The following GRAMD4 variants were observed in gnomAD, a reference collection of about 807,000 sequenced individuals.
The protein encoded by GRAMD4 is GRAM domain containing 4.
In GRAMD4, 25 loss-of-function variants were observed where a neutral mutation model predicts 83.9. The observed-to-expected ratio is 0.30, with a 90% confidence interval of 0.22 to 0.42. The LOEUF is 0.42. Ranked by LOEUF, GRAMD4 falls within the 10% of genes least tolerant of loss-of-function variation. The pLI, the probability that GRAMD4 is intolerant of heterozygous loss-of-function variation, is 1.00. For missense variants in GRAMD4, 593 were observed against 788.7 expected (o/e 0.75, Z 2.97); for synonymous variants, 336 against 320.9 (o/e 1.05, Z -0.50).
In GRAMD4 at chr22:46,644,697, GTTTTTTTTTTTTTTT is replaced by G. The variant is rs71192437; in HGVS notation, c.283+6760_283+6774del. Among the ~76,000 whole-genome samples, 587 of 97,374 alleles carry G rather than the reference GTTTTTTTTTTTTTTT, an allele frequency of 6.0e-3. 14 individuals are homozygous for G. The highest frequency in any genetic ancestry group is 0.021 in the African/African-American group (537 of 24,986). 63.9% of individuals were successfully genotyped at this position (97,374 alleles called of 152,430 possible). ...TCATCCACTTGTCCACTTGTTCCCTGTTTTTTTTTTTTTTTTTTTTTTTTTTTTTTTTTTTTTACT... is the reference window on the plus strand; with the variant it reads ...TCATCCACTTGTCCACTTGTTCCCTGTTTTTTTTTTTTTTTTTTTTTTACT... On this transcript the variant is annotated intron_variant, in intron 3 of 18. Coordinates refer to ENST00000406902, the MANE Select transcript of GRAMD4 (RefSeq NM_015124.5).
Position 46,621,701 on chromosome 22 carries a change from G to T in GRAMD4, c.-50+1136G>T, listed in dbSNP as rs2081578422. 6.8e-6 allele frequency among the ~76,000 whole-genome samples: 1 copy of T among 146,816 alleles called. No homozygotes were observed. Among genetic ancestry groups the T allele is most frequent in the African/African-American group, 2.6e-5 (1 of 39,022 alleles). On this transcript the variant is annotated intron_variant, in intron 1 of 18. Transcript: ENST00000406902. This position sits in a 1 kb window ranked among gnomAD's most constrained non-coding sequence, Gnocchi z 5.8. ...GGTGCAGGCACAGGCTGGAGGCGTA[G>T]CCCGGGCCCGTCCCTGGCGCTGTGT...
chr22:46,624,073 C>A (rs2081617633), intron 1 of GRAMD4, among the ~76,000 whole-genome samples: 1 of 152,160 alleles, frequency 6.6e-6, no homozygotes, highest in African/African-American at 2.4e-5. Flanking sequence ...CCAGCCACCG[C>A]ACCTGGCCTA....
intron 3 of GRAMD4, among the ~76,000 whole-genome samples, chr22:46,642,467 G>A (rs1424684283): frequency 6.6e-6 from 1 of 152,178 alleles, no homozygotes; most frequent in Non-Finnish European, 1.5e-5. Context: ...TCTTTGTTTT[G>A]CTGAAATCTT....
At chr22:46,641,187 C>T (rs2081970657) in intron 3 of GRAMD4, among the ~76,000 whole-genome samples, 1 of 152,166 alleles carries the variant, frequency 6.6e-6, no homozygotes, top group South Asian at 2.1e-4. Flanking sequence ...ATTCTCTGGC[C>T]TCAGCCTCCT....
At chr22:46,639,144 G>C (rs1358750296) in intron 3 of GRAMD4, among the ~76,000 whole-genome samples, 1 of 125,476 alleles carries the variant, frequency 8.0e-6, no homozygotes, top group Non-Finnish European at 1.7e-5. Context: ...GGTTAACGGT[G>C]TGTGCGTGAG....
intron 2 of GRAMD4, among the ~76,000 whole-genome samples, chr22:46,634,712 G>A (rs543648846): frequency 2.6e-5 from 4 of 152,160 alleles, no homozygotes; most frequent in Non-Finnish European, 4.4e-5. Flanking sequence ...AGGCCAAGGC[G>A]GGTGGATCAC....
chr22:46,636,093 G>A (rs1249270217), intron 2 of GRAMD4, among the ~76,000 whole-genome samples: 6 of 152,146 alleles, frequency 3.9e-5, no homozygotes, highest in African/African-American at 1.2e-4. Flanking sequence ...CTAGTCTGGC[G>A]GCACCTGCGT....
chr22:46,577,284 G>T, exon 1 of GRAMD4: 1 of 980,020 alleles, frequency 1.0e-6, no homozygotes, highest in Non-Finnish European at 1.2e-6. Flanking sequence ...CCCGATATCC[G>T]CTCAGGGTAA....
chr22:46,596,022 C>T (rs937601020), intron 1 of GRAMD4, among the ~76,000 whole-genome samples: 57 of 152,368 alleles, frequency 3.7e-4, no homozygotes, highest in African/African-American at 1.3e-3. Context: ...GTGCTGGAAG[C>T]GTTGCTTCAG....
At chr22:46,630,465 G>A (rs533409004) in intron 2 of GRAMD4, among the ~76,000 whole-genome samples, 10 of 152,348 alleles carry the variant, frequency 6.6e-5, no homozygotes, top group African/African-American at 1.9e-4. Context: ...GCAGAGGCCC[G>A]AGATTGCCCT....
In GRAMD4 at chr22:46,671,271, G is replaced by A. The variant is rs190177023; in HGVS notation, c.1085-1572G>A. On this transcript the variant is annotated intron_variant, in intron 13 of 18. Coordinates refer to ENST00000406902, the MANE Select transcript of GRAMD4 (RefSeq NM_015124.5). ...AAGAATCAACAAGTTGTCCGGACAC[G>A]GTGGCTCACGCCTGTAATCCCAGCA... is the stretch of plus-strand genomic sequence containing the variant. 7.8e-4 allele frequency: 189 copies of A among 242,664 alleles called. 1 individual carries two copies. Among genetic ancestry groups the A allele is most frequent in the African/African-American group, 3.8e-3 (167 of 44,192 alleles). The allele number at this position is 242,664 out of a possible 1,614,324, so 15.0% of individuals were successfully genotyped here.
rs936874901 is a variant in GRAMD4 at position 46,679,380 on chromosome 22, C to CG, written c.*2135dup. 1 of 985,116 alleles carries CG rather than the reference C, an allele frequency of 1.0e-6. No individual in the cohort carries two copies. Among genetic ancestry groups the CG allele is most frequent in the African/African-American group, 1.7e-5 (1 of 57,312 alleles). The allele number at this position is 985,116 out of a possible 1,614,324, so 61.0% of individuals were successfully genotyped here. A position where few individuals can be genotyped will look rare whatever the true frequency, so the allele number is the denominator to read the frequency against. Reference sequence around the variant, plus strand: ...CCCAGGGAGGGCCACATTCGGGGAGCGGGGGGTCGGGGGAGGGCCACCGAC... The same window carrying CG: ...CCCAGGGAGGGCCACATTCGGGGAGCGGGGGGGTCGGGGGAGGGCCACCGAC... On this transcript the variant is annotated 3_prime_UTR_variant, in exon 19 of 19. Coordinates refer to ENST00000406902, the MANE Select transcript of GRAMD4 (RefSeq NM_015124.5).
chr22:46,676,736 G>A (rs1323159952), intron 18 of GRAMD4, 68 bp downstream of exon 18: 9 of 1,393,124 alleles, frequency 6.5e-6, no homozygotes, highest in Non-Finnish European at 8.9e-6. Flanking sequence ...GAGCAACCCT[G>A]GGACCAGCGT....
intron 10 of GRAMD4, among the ~76,000 whole-genome samples, chr22:46,667,449 G>T (rs1010208933): frequency 6.6e-6 from 1 of 152,200 alleles, no homozygotes. Flanking sequence ...ATACTGCTGC[G>T]GCTGCTTTTG....
At chr22:46,618,648 C>G (rs2081534432), upstream of GRAMD4, among the ~76,000 whole-genome samples, 1 of 152,158 alleles carries the variant, frequency 6.6e-6, no homozygotes, top group Admixed American at 6.5e-5. The surrounding 1 kb of genome is among the most constrained non-coding windows in gnomAD (Gnocchi z 5.8). Flanking sequence ...ACCATGCTTG[C>G]CATGTGGAGA....
chr22:46,612,941 AG>A (rs1399703668), intron 1 of GRAMD4, among the ~76,000 whole-genome samples: 1 of 152,212 alleles, frequency 6.6e-6, no homozygotes, highest in Admixed American at 6.5e-5. Context: ...GCTCACCCAC[AG>A]GCCCTTCCTG....
chr22:46,612,107 G>A (rs564458379), intron 1 of GRAMD4, among the ~76,000 whole-genome samples: 5 of 52,536 alleles, frequency 9.5e-5, no homozygotes, highest in Admixed American at 2.2e-4. Context: ...GGTCTCAAGC[G>A]ACTCTCCTGC....
At chr22:46,661,915 TG>T in intron 5 of GRAMD4, among the ~76,000 whole-genome samples, 1 of 152,320 alleles carries the variant, frequency 6.6e-6, no homozygotes, top group East Asian at 1.9e-4. Context: ...CCTGAGTGCC[TG>T]TTCTTTATCT....
intron 5 of GRAMD4, among the ~76,000 whole-genome samples, chr22:46,662,392 G>A (rs763810491): frequency 7.0e-4 from 107 of 152,238 alleles, no homozygotes; most frequent in Non-Finnish European, 2.6e-4. Flanking sequence ...CCTTCTGAAG[G>A]GAGGGACTGG....
Sources: allele counts gnomAD v4.1 joint callset (sites outside exome capture counted in the v4.1 genomes callset), GRCh38; gene constraint gnomAD v4.1.1; non-coding constraint Gnocchi (gnomAD v3.1); transcripts MANE v1.5; gene names NCBI Gene and HGNC (gene_info 2026-07-23, HGNC 2026-07-21).